Variants in SNX25 observed in about 807,000 individuals in gnomAD.
SNX25 encodes the protein sorting nexin 25.
A neutral mutation model predicts 113.7 loss-of-function variants in SNX25; 62 were observed. The ratio of observed to expected loss-of-function variants is 0.55; its 90% CI spans 0.44 to 0.67. The LOEUF (loss-of-function observed/expected upper bound fraction) is 0.67. Ranked by LOEUF, SNX25 falls within the 30% of genes least tolerant of loss-of-function variation. The pLI is 0.00. For synonymous variants in SNX25, 421 were observed against 436.2 expected (o/e 0.97, Z 0.43); for missense variants, 1,014 against 1,161.0 (o/e 0.87, Z 1.84).
chr4:185,220,857 T>G (rs10222749), intron 1 of SNX25, among the ~76,000 whole-genome samples: 99,204 of 151,788 alleles, frequency 0.65, 32,528 homozygotes, highest in East Asian at 0.76. Context: ...CCTCTTTTGT[T>G]AATTTTATTT....
At chr4:185,337,752 G>A (rs2095239210) in intron 10 of SNX25, among the ~76,000 whole-genome samples, 1 of 152,078 alleles carries the variant, frequency 6.6e-6, no homozygotes, top group Admixed American at 6.5e-5. Flanking sequence ...TGTCCTCCCT[G>A]CCAACACTCG....
chr4:185,223,642 G>C (rs879399174), intron 1 of SNX25, among the ~76,000 whole-genome samples: 1 of 152,024 alleles, frequency 6.6e-6, no homozygotes, highest in Non-Finnish European at 1.5e-5. Context: ...TTAGCCGGGC[G>C]TGGTGGCGGG....
At position 185,362,284 on chromosome 4, in the gene SNX25, C is replaced by T. The variant is rs1384334800; in HGVS notation, c.2833+179C>T. On this transcript the variant is annotated intron_variant, in intron 17 of 18. Coordinates refer to ENST00000652585, the MANE Select transcript of SNX25 (RefSeq NM_001378034.2). ...GAAGTTATACTGAGAATGTTAAGAA[C>T]TTGAAAAATGTTTTAGAACAGATAA... The T allele has an allele frequency of 8.1e-6, 8 of 985,018 alleles. No homozygotes were observed. In the Admixed American group the frequency reaches 4.9e-4, roughly 61 times the overall value. 61.0% of individuals were successfully genotyped at this position (985,018 alleles called of 1,614,324 possible).
intron 6 of SNX25, among the ~76,000 whole-genome samples, chr4:185,290,787 GT>G (rs1202478094): frequency 6.6e-6 from 1 of 152,164 alleles, no homozygotes; most frequent in Non-Finnish European, 1.5e-5. Flanking sequence ...TCAGAATCTA[GT>G]TTAAAGAGAA....
intron 1 of SNX25, among the ~76,000 whole-genome samples, chr4:185,225,740 T>A (rs942871951): frequency 2.6e-5 from 4 of 152,196 alleles, no homozygotes; most frequent in Non-Finnish European, 4.4e-5. Flanking sequence ...GTTTAATTCT[T>A]ACATCAATCA....
intron 1 of SNX25, among the ~76,000 whole-genome samples, chr4:185,244,100 C>T (rs766169838): frequency 6.6e-6 from 1 of 152,122 alleles, no homozygotes; most frequent in Non-Finnish European, 1.5e-5. Context: ...TGGGCTCAGT[C>T]AGACCTCCTT....
rs1257191962 is a variant in SNX25, at chr4:185,264,310, T to G, written c.732-128T>G. On this transcript the variant is annotated intron_variant, in intron 3 of 18. Coordinates refer to ENST00000652585, the MANE Select transcript of SNX25 (RefSeq NM_001378034.2). ...CAGATGAGTTGATGGTTGAGGAAAT[T>G]TGATTATTTAGGAGATGGCAGTTAC... The G allele has an allele frequency of 4.5e-6, 4 of 885,470 alleles. No individual in the cohort carries two copies. The African/African-American group carries it at 5.0e-5, about 11-fold the overall frequency. The allele number at this position is 885,470 out of a possible 1,614,324, so 54.9% of individuals were successfully genotyped here. A position where few individuals can be genotyped will look rare whatever the true frequency, so the allele number is the denominator to read the frequency against.
chr4:185,263,620 A>G (rs1747624344), intron 3 of SNX25, among the ~76,000 whole-genome samples: 1 of 152,172 alleles, frequency 6.6e-6, no homozygotes, highest in Non-Finnish European at 1.5e-5. Flanking sequence ...TAAAGGTACT[A>G]ATATGCACTA....
Position 185,363,570 on chromosome 4 carries a change from T to C in SNX25, c.*105T>C. 1 of 1,008,906 alleles carries C rather than the reference T, an allele frequency of 9.9e-7. No homozygotes were observed. The highest frequency in any genetic ancestry group is 1.5e-6 in the Non-Finnish European group (1 of 664,086). 62.5% of individuals were successfully genotyped at this position (1,008,906 alleles called of 1,614,324 possible). On this transcript the variant is annotated 3_prime_UTR_variant, in exon 19 of 19. Transcript: ENST00000652585. The surrounding 1 kb of genome is among the most constrained non-coding windows in gnomAD (Gnocchi z 4.2). ...AACTGAGAACCGTATTGATTTTTAT[T>C]TTAGTTACCTCCCTCTAGTTTTATG... is the stretch of plus-strand genomic sequence containing the variant.
intron 9 of SNX25, among the ~76,000 whole-genome samples, chr4:185,330,688 C>T (rs1020609811): frequency 6.6e-6 from 1 of 152,140 alleles, no homozygotes. Context: ...CTGCCCAGTT[C>T]ACTATCTCCA....
chr4:185,295,572 C>T (rs149855767), intron 6 of SNX25, among the ~76,000 whole-genome samples: 1 of 151,784 alleles, frequency 6.6e-6, no homozygotes, highest in African/African-American at 2.4e-5. Flanking sequence ...ACCTCAGCTT[C>T]CCGAGTAGCT....
chr4:185,284,701 G>T (rs1414910102), intron 5 of SNX25, among the ~76,000 whole-genome samples: 1 of 152,182 alleles, frequency 6.6e-6, no homozygotes, highest in African/African-American at 2.4e-5. Context: ...GAGATGAGGT[G>T]AGTGTTCCCA....
intron 1 of SNX25, among the ~76,000 whole-genome samples, chr4:185,217,748 A>G (rs2126323321): frequency 6.6e-6 from 1 of 152,308 alleles, no homozygotes; most frequent in South Asian, 2.1e-4. Context: ...TCAGAATGGT[A>G]CACGTGGTTG....
chr4:185,242,338 A>T (rs1047769181), intron 1 of SNX25, among the ~76,000 whole-genome samples: 1 of 152,056 alleles, frequency 6.6e-6, no homozygotes, highest in Non-Finnish European at 1.5e-5. Context: ...CAGAGCCCAT[A>T]GATTAAGTGA....
upstream of SNX25, among the ~76,000 whole-genome samples, chr4:185,204,898 T>A (rs549582479): frequency 6.6e-6 from 1 of 152,348 alleles, no homozygotes; most frequent in East Asian, 1.9e-4. Context: ...TTAGACTTAA[T>A]ACCTTAAGCA....
At chr4:185,354,129 C>T (rs1307413894) in intron 15 of SNX25, among the ~76,000 whole-genome samples, 2 of 152,056 alleles carry the variant, frequency 1.3e-5, no homozygotes, top group East Asian at 1.9e-4. Context: ...CGTAACATAG[C>T]GTCCTGATTT....
intron 14 of SNX25, among the ~76,000 whole-genome samples, chr4:185,351,922 A>G (rs1272979896): frequency 2.0e-5 from 3 of 149,208 alleles, no homozygotes; most frequent in Non-Finnish European, 3.0e-5. Flanking sequence ...GGGGGGGTTC[A>G]TGCTGAAGGT....
chr4:185,270,889 T>C (rs1579560586), intron 5 of SNX25, among the ~76,000 whole-genome samples: 1 of 152,250 alleles, frequency 6.6e-6, no homozygotes, highest in Non-Finnish European at 1.5e-5. Context: ...TAATATTCCA[T>C]GGTATGAATA....
At chr4:185,215,631 A>G (rs1738685575) in intron 1 of SNX25, among the ~76,000 whole-genome samples, 1 of 152,158 alleles carries the variant, frequency 6.6e-6, no homozygotes, top group South Asian at 2.1e-4. Flanking sequence ...TTGATAATGG[A>G]TAATGGCATA....
Sources: allele counts gnomAD v4.1 joint callset (sites outside exome capture counted in the v4.1 genomes callset), GRCh38; gene constraint gnomAD v4.1.1; non-coding constraint Gnocchi (gnomAD v3.1); transcripts MANE v1.5; gene names NCBI Gene and HGNC (gene_info 2026-07-23, HGNC 2026-07-21).